ANKRD45: variants seen among roughly 807,000 people sequenced by gnomAD.
The protein encoded by ANKRD45 is ankyrin repeat domain 45, also known as ankyrin repeat domain-containing protein 45.
In ANKRD45, 21 loss-of-function variants were observed where a neutral mutation model predicts 28.1. The ratio of observed to expected loss-of-function variants is 0.75; its 90% CI spans 0.53 to 1.08. ANKRD45 has a LOEUF of 1.08. Among genes scored for constraint, ANKRD45 ranks in the 50% least tolerant of loss-of-function variants. The pLI is 0.00. For synonymous variants in ANKRD45, 86 were observed against 103.9 expected, an observed-to-expected ratio of 0.83 and a Z score of 1.05; for missense variants, 261 against 308.7, an observed-to-expected ratio of 0.85 and a Z score of 1.16.
At chr1:173,653,243 A>G (rs921005175) in intron 2 of ANKRD45, among the ~76,000 whole-genome samples, 3 of 152,218 alleles carry the variant, frequency 2.0e-5, no homozygotes, top group Admixed American at 2.0e-4. Context: ...TTAGTGCTAT[A>G]AATTTTCCTC....
chr1:173,675,897 G>A, the ANKRD45 span, among the ~76,000 whole-genome samples: 1 of 152,136 alleles, frequency 6.6e-6, no homozygotes, highest in African/African-American at 2.4e-5. Flanking sequence ...TCCATAGAAG[G>A]AATCTCAGAT....
chr1:173,613,309 G>A (rs1390555886), intron 5 of ANKRD45, among the ~76,000 whole-genome samples: 10 of 150,074 alleles, frequency 6.7e-5, no homozygotes, highest in East Asian at 2.0e-4. Flanking sequence ...GAGCCCCTCC[G>A]ACCAGCAGCC....
intron 2 of ANKRD45, among the ~76,000 whole-genome samples, chr1:173,655,728 C>T (rs184333092): frequency 6.6e-6 from 1 of 152,232 alleles, no homozygotes; most frequent in South Asian, 2.1e-4. Flanking sequence ...ACAGAGGCAG[C>T]AGGCCTTGCT....
At chr1:173,674,668 A>T (rs1208955869), upstream of ANKRD45, among the ~76,000 whole-genome samples, 1 of 152,230 alleles carries the variant, frequency 6.6e-6, no homozygotes, top group Non-Finnish European at 1.5e-5. Flanking sequence ...ACAGATACAT[A>T]AGAGACAAAT....
the ANKRD45 span, among the ~76,000 whole-genome samples, chr1:173,676,624 C>T: frequency 6.6e-6 from 1 of 151,788 alleles, no homozygotes; most frequent in Non-Finnish European, 1.5e-5. Flanking sequence ...ATAAAACCAC[C>T]TTTTAAAGAG....
intron 3 of ANKRD45, among the ~76,000 whole-genome samples, chr1:173,640,211 G>A (rs1668641878): frequency 1.3e-5 from 2 of 152,134 alleles, no homozygotes; most frequent in Middle Eastern, 6.8e-3. Flanking sequence ...CAGTTCCTGA[G>A]CAATTATATA....
At chr1:173,698,196 T>G in the ANKRD45 span, among the ~76,000 whole-genome samples, 1 of 152,102 alleles carries the variant, frequency 6.6e-6, no homozygotes, top group Non-Finnish European at 1.5e-5. Context: ...CAAAGAGACT[T>G]AGATTCCCAC....
chr1:173,707,430 T>G, the ANKRD45 span, among the ~76,000 whole-genome samples: 1 of 151,984 alleles, frequency 6.6e-6, no homozygotes, highest in African/African-American at 2.4e-5. Context: ...CCTTCCAGGT[T>G]CAAGTGATTC....
At chr1:173,612,279 GGAAGGAAA>G (rs1246173859) in intron 5 of ANKRD45, among the ~76,000 whole-genome samples, 25 of 114,094 alleles carry the variant, frequency 2.2e-4, no homozygotes, top group Middle Eastern at 5.0e-3. Context: ...GAGAGAGGGA[GGAAGGAAA>G]GAAGGAAAGA....
rs1297946031 is a variant in ANKRD45, at chr1:173,624,275, A to C, written c.730+512T>G. 2.0e-5 allele frequency among the ~76,000 whole-genome samples: 3 copies of C among 152,078 alleles called. No individual in the cohort carries two copies. The East Asian group carries it at 5.8e-4, about 29-fold the overall frequency. On this transcript the variant is annotated intron_variant, in intron 5 of 5. Transcript: ENST00000333279. ...CAGGAGGCTGAGGCAGGAGGATTAC[A>C]TGAAGCTAGGAGTTCAAGACCAGCC...
the ANKRD45 span, among the ~76,000 whole-genome samples, chr1:173,678,366 T>C: frequency 2.6e-5 from 4 of 152,158 alleles, no homozygotes; most frequent in Non-Finnish European, 5.9e-5. Context: ...TTATCTACCA[T>C]GATCAAGTCA....
At position 173,640,621 on chromosome 1, in the gene ANKRD45, A is replaced by T. The variant is rs551278987; in HGVS notation, c.496+6225T>A. Among the ~76,000 whole-genome samples, 3 of 152,208 alleles carry T rather than the reference A, an allele frequency of 2.0e-5. No individual in the cohort carries two copies. The East Asian group carries it at 5.8e-4, about 29-fold the overall frequency. ...TGTAACTAAGTCTGACTCACCTCAG[A>T]CCATTGCCTTTAATGCTTGCTCTGT... On this transcript the variant is annotated intron_variant, in intron 3 of 5. Transcript: ENST00000333279.
chr1:173,642,503 C>A (rs538407137), intron 3 of ANKRD45, among the ~76,000 whole-genome samples: 3 of 152,182 alleles, frequency 2.0e-5, no homozygotes, highest in Non-Finnish European at 4.4e-5. Context: ...TCCTCCCAGT[C>A]TACTTCAGAA....
At chr1:173,659,001 G>A (rs1016957070) in intron 2 of ANKRD45, 90 bp downstream of exon 2, 2 of 1,503,352 alleles carry the variant, frequency 1.3e-6, no homozygotes, top group Admixed American at 2.2e-5. Flanking sequence ...GTATAAAACA[G>A]GCACATCAAA....
At chr1:173,680,356 G>A in the ANKRD45 span, among the ~76,000 whole-genome samples, 1 of 152,200 alleles carries the variant, frequency 6.6e-6, no homozygotes, top group Non-Finnish European at 1.5e-5. Context: ...ATACTATGCA[G>A]TCATAAAAAA....
At chr1:173,672,552 A>C (rs1670290952), upstream of ANKRD45, among the ~76,000 whole-genome samples, 1 of 152,238 alleles carries the variant, frequency 6.6e-6, no homozygotes, top group Non-Finnish European at 1.5e-5. Context: ...ACAACTAAAA[A>C]TTAAATAGAA....
chr1:173,654,444 T>C (rs563750230), intron 2 of ANKRD45, among the ~76,000 whole-genome samples: 3 of 152,376 alleles, frequency 2.0e-5, no homozygotes, highest in African/African-American at 7.2e-5. Flanking sequence ...TACTGGCTTA[T>C]AGAGTTTCTG....
the ANKRD45 span, among the ~76,000 whole-genome samples, chr1:173,708,037 T>C: frequency 6.6e-6 from 1 of 152,240 alleles, no homozygotes; most frequent in Non-Finnish European, 1.5e-5. Context: ...GTTTTAATTA[T>C]AGAGGTTTTA....
At chr1:173,693,699 T>A in the ANKRD45 span, among the ~76,000 whole-genome samples, 1 of 152,206 alleles carries the variant, frequency 6.6e-6, no homozygotes, top group Admixed American at 6.5e-5. Context: ...GTAGGACCAA[T>A]TATATGGATA....
Sources: allele counts gnomAD v4.1 joint callset (sites outside exome capture counted in the v4.1 genomes callset), GRCh38; gene constraint gnomAD v4.1.1; transcripts MANE v1.5; gene names NCBI Gene and HGNC (gene_info 2026-07-23, HGNC 2026-07-21).